Variants in RASGRP3 observed in about 807,000 individuals in gnomAD.
The protein encoded by RASGRP3 is RAS guanyl releasing protein 3, also known as ras guanyl-releasing protein 3.
Under a neutral mutation model 82.7 loss-of-function variants are expected in RASGRP3, and 54 were observed. That is an observed-to-expected ratio of 0.65 (90% CI 0.52 to 0.82). RASGRP3 has a LOEUF of 0.82. Ranked by LOEUF, RASGRP3 falls within the 40% of genes least tolerant of loss-of-function variation. RASGRP3 has a pLI of 0.00. For synonymous variants in RASGRP3, 309 were observed against 300.5 expected, an observed-to-expected ratio of 1.03 and a Z score of -0.29; for missense variants, 861 against 828.9, an observed-to-expected ratio of 1.04 and a Z score of -0.48.
chr2:33,452,569 C>G (rs1665856134), intron 2 of RASGRP3, among the ~76,000 whole-genome samples: 1 of 152,154 alleles, frequency 6.6e-6, no homozygotes, highest in Non-Finnish European at 1.5e-5. Context: ...AGGGGCTGGC[C>G]TGAAGTCTAG....
intron 15 of RASGRP3, among the ~76,000 whole-genome samples, chr2:33,557,496 T>A (rs1208176180): frequency 6.6e-6 from 1 of 151,560 alleles, no homozygotes. Flanking sequence ...GATCACGAGG[T>A]CAGGAGATCG....
chr2:33,562,822 G>A lies in RASGRP3; in HGVS notation c.*85G>A, dbSNP rs539323261. On this transcript the variant is annotated 3_prime_UTR_variant, in exon 18 of 18. Transcript: ENST00000403687. ...ACTCTGAAGAAAGCTCTGACTCTCA[G>A]GAAGTTATCTGGAAAGATACCTGGA... The A allele has an allele frequency of 3.9e-6, 6 of 1,524,292 alleles. 1 individual carries two copies. The South Asian group carries it at 4.6e-5, about 12-fold the overall frequency. The allele number at this position is 1,524,292 out of a possible 1,614,324, so 94.4% of individuals were successfully genotyped here.
In RASGRP3 at chr2:33,546,990, G is replaced by A. The variant is rs1002224175; in HGVS notation, c.1395-2614G>A. On this transcript the variant is annotated intron_variant, in intron 13 of 17. Transcript: ENST00000403687. ...CTTGAACCCAAGAGGGAGAGGTTGT[G>A]GTGAGCCAAGATCGCACCATTGCAC... Among the ~76,000 whole-genome samples the A allele has an allele frequency of 4.0e-5, 6 of 150,390 alleles. No homozygotes were observed. In the South Asian group the frequency reaches 1.1e-3, roughly 26 times the overall value.
chr2:33,542,879 G>A (rs756659588), intron 12 of RASGRP3, among the ~76,000 whole-genome samples: 18 of 151,968 alleles, frequency 1.2e-4, no homozygotes, highest in Non-Finnish European at 2.1e-4. Flanking sequence ...TTTTAGTAGC[G>A]ATGGGGTTTC....
chr2:33,451,724 G>A (rs1336899759), intron 2 of RASGRP3, among the ~76,000 whole-genome samples: 2 of 151,548 alleles, frequency 1.3e-5, no homozygotes, highest in Non-Finnish European at 2.9e-5. Flanking sequence ...TCTGCTTGGG[G>A]CTATTTGGGC....
At chr2:33,438,262 T>C (rs1030610439) in intron 1 of RASGRP3, among the ~76,000 whole-genome samples, 16 of 152,222 alleles carry the variant, frequency 1.1e-4, no homozygotes, top group African/African-American at 3.1e-4. Flanking sequence ...TGACCATAGA[T>C]TTATAAATGT....
intron 1 of RASGRP3, among the ~76,000 whole-genome samples, chr2:33,490,301 C>T (rs1018519764): frequency 6.6e-6 from 1 of 152,210 alleles, no homozygotes; most frequent in Non-Finnish European, 1.5e-5. Context: ...TCTAAACAAA[C>T]TTGTTGAGCT....
chr2:33,452,926 A>G (rs965235917), intron 2 of RASGRP3, among the ~76,000 whole-genome samples: 1 of 152,168 alleles, frequency 6.6e-6, no homozygotes. Context: ...GCCTGGGATC[A>G]TGAGGGCTGC....
intron 11 of RASGRP3, among the ~76,000 whole-genome samples, chr2:33,538,227 A>C (rs1227069656): frequency 6.6e-6 from 1 of 152,066 alleles, no homozygotes; most frequent in South Asian, 2.1e-4. Flanking sequence ...TTTAGTCTGG[A>C]TGTGGTGACT....
chr2:33,546,167 T>G (rs1477673385), intron 13 of RASGRP3, among the ~76,000 whole-genome samples: 3 of 151,598 alleles, frequency 2.0e-5, no homozygotes, highest in African/African-American at 7.2e-5. Flanking sequence ...CCCACGCCTG[T>G]AATCCCAGAA....
intron 1 of RASGRP3, among the ~76,000 whole-genome samples, chr2:33,479,133 CAA>C (rs1667645388): frequency 6.6e-6 from 1 of 152,188 alleles, no homozygotes; most frequent in Middle Eastern, 3.2e-3. Flanking sequence ...ATTTCCAGCA[CAA>C]TATGATTACA....
chr2:33,546,150 G>A (rs72785961), intron 13 of RASGRP3, among the ~76,000 whole-genome samples: 50,415 of 151,110 alleles, frequency 0.33, 9,582 homozygotes, highest in Middle Eastern at 0.51. Context: ...TTGGCTGGGC[G>A]CTGTGGCCCA....
At chr2:33,519,873 T>G in intron 4 of RASGRP3, 79 bp from the exon 5 acceptor site, 1 of 942,716 alleles carries the variant, frequency 1.1e-6, no homozygotes, top group East Asian at 2.6e-5. Context: ...TATTAGGAAT[T>G]GGTATACATT....
upstream of RASGRP3, among the ~76,000 whole-genome samples, chr2:33,474,305 T>A (rs1354048320): frequency 6.6e-6 from 1 of 152,152 alleles, no homozygotes; most frequent in Admixed American, 6.5e-5. Flanking sequence ...ATCCTGTTAG[T>A]GCTGTTCTCA....
At chr2:33,461,894 C>A (rs1248511792) in intron 2 of RASGRP3, among the ~76,000 whole-genome samples, 1 of 152,232 alleles carries the variant, frequency 6.6e-6, no homozygotes, top group Admixed American at 6.5e-5. Flanking sequence ...AGGTTAAAAG[C>A]CCAGGCCTCA....
At chr2:33,464,685 C>T (rs1393911267) in intron 2 of RASGRP3, among the ~76,000 whole-genome samples, 1 of 152,054 alleles carries the variant, frequency 6.6e-6, no homozygotes, top group Non-Finnish European at 1.5e-5. Context: ...CTATGTTGCC[C>T]AGGTTAGTCT....
intron 2 of RASGRP3, among the ~76,000 whole-genome samples, chr2:33,451,188 G>T (rs1665781727): frequency 6.6e-6 from 1 of 151,712 alleles, no homozygotes; most frequent in African/African-American, 2.4e-5. Context: ...ATACCTATTG[G>T]CCATTTGTAT....
chr2:33,527,783 C>T (rs902649902), intron 10 of RASGRP3, among the ~76,000 whole-genome samples: 3 of 152,188 alleles, frequency 2.0e-5, no homozygotes, highest in Non-Finnish European at 4.4e-5. Context: ...CCTCACTGCA[C>T]TGCTTTGGCT....
chr2:33,463,023 T>C (rs1303331226), intron 2 of RASGRP3, among the ~76,000 whole-genome samples: 4 of 152,202 alleles, frequency 2.6e-5, no homozygotes, highest in Non-Finnish European at 5.9e-5. Context: ...GAATCAACAG[T>C]GGCATTTCAG....
Sources: allele counts gnomAD v4.1 joint callset (sites outside exome capture counted in the v4.1 genomes callset), GRCh38; gene constraint gnomAD v4.1.1; transcripts MANE v1.5; gene names NCBI Gene and HGNC (gene_info 2026-07-23, HGNC 2026-07-21).